BAG3: variants seen among roughly 807,000 people sequenced by gnomAD.
The protein encoded by BAG3 is BAG family molecular chaperone regulator 3.
Under a neutral mutation model 40.5 loss-of-function variants are expected in BAG3, and 14 were observed. That is an observed-to-expected ratio of 0.35 (90% CI 0.23 to 0.54). The LOEUF is 0.54. BAG3 is among the 20% of genes least tolerant of loss of function. The pLI, the probability that BAG3 is intolerant of heterozygous loss-of-function variation, is 0.91. For missense variants in BAG3, 788 were observed against 758.6 expected (o/e 1.04, Z -0.46); for synonymous variants, 302 against 307.8 (o/e 0.98, Z 0.20).
intron 1 of BAG3, among the ~76,000 whole-genome samples, chr10:119,664,534 C>T (rs1187795356): frequency 6.6e-6 from 1 of 152,146 alleles, no homozygotes; most frequent in Non-Finnish European, 1.5e-5. Context: ...CAGGCGGGCC[C>T]TGATGAGGTG....
At chr10:119,673,261 T>G (rs1295354973) in intron 3 of BAG3, among the ~76,000 whole-genome samples, 3 of 152,198 alleles carry the variant, frequency 2.0e-5, no homozygotes, top group African/African-American at 7.2e-5. Context: ...TTGTATGAGT[T>G]CAACATGTCA....
chr10:119,667,510 A>C (rs555549465), intron 1 of BAG3, among the ~76,000 whole-genome samples: 2 of 152,300 alleles, frequency 1.3e-5, no homozygotes, highest in South Asian at 2.1e-4. Flanking sequence ...AACTGTTAGA[A>C]ATAGAGGTAC....
chr10:119,655,003 G>A (rs1846892172), intron 1 of BAG3, among the ~76,000 whole-genome samples: 1 of 152,234 alleles, frequency 6.6e-6, no homozygotes, highest in Non-Finnish European at 1.5e-5. Flanking sequence ...ATTGCTCAGT[G>A]TAGGGCCCAG....
At chr10:119,655,120 C>T (rs1246958547) in intron 1 of BAG3, among the ~76,000 whole-genome samples, 1 of 152,236 alleles carries the variant, frequency 6.6e-6, no homozygotes, top group East Asian at 1.9e-4. Context: ...GGAGCTGCGG[C>T]TTAGTGCCTC....
intron 2 of BAG3, among the ~76,000 whole-genome samples, chr10:119,671,453 G>C (rs185074557): frequency 9.8e-5 from 15 of 152,288 alleles, no homozygotes; most frequent in Admixed American, 2.6e-4. Context: ...TGAATAGAAG[G>C]TGGCCCAGCA....
At chr10:119,657,255 C>T (rs1846926179) in intron 1 of BAG3, among the ~76,000 whole-genome samples, 1 of 152,156 alleles carries the variant, frequency 6.6e-6, no homozygotes. Context: ...ACAAGTCTGC[C>T]CACTTTGAGA....
Position 119,677,407 on chromosome 10 carries a change from G to A in BAG3, c.*125G>A. 1 of 1,193,276 alleles carries A rather than the reference G, an allele frequency of 8.4e-7. No homozygotes were observed. The highest frequency in any genetic ancestry group is 1.2e-6 in the Non-Finnish European group (1 of 820,754). 73.9% of individuals were successfully genotyped at this position (1,193,276 alleles called of 1,614,324 possible). ...CTGCTTGGTATGCAGTAACTTGGGT[G>A]GAGGCAAAACACTAATAAAAGGGCT... On this transcript the variant is annotated 3_prime_UTR_variant, in exon 4 of 4. Coordinates refer to ENST00000369085, the MANE Select transcript of BAG3 (RefSeq NM_004281.4).
Position 119,672,572 on chromosome 10 carries a change from C to T in BAG3, c.825C>T (p.Ser275=). The T allele has an allele frequency of 2.5e-6, 4 of 1,614,056 alleles. No homozygotes were observed. The highest frequency in any genetic ancestry group is 3.4e-6 in the Non-Finnish European group (4 of 1,179,994). ...GGTCATCTGTCCAGGGTGCATCGAG[C>T]CGGGAGGGCTCACCAGCCAGGAGCA... is the stretch of plus-strand genomic sequence containing the variant. ...PFRSSVQGAS[S]REGSPARSST... Residue 275 remains serine (S), a synonymous_variant, in exon 3 of 4, where the codon AGC becomes AGT. Transcript: ENST00000369085. This position sits in a 1 kb window ranked among gnomAD's most constrained non-coding sequence, Gnocchi z 4.8.
chr10:119,669,291 C>T (rs1243385316), intron 1 of BAG3, among the ~76,000 whole-genome samples: 3 of 152,196 alleles, frequency 2.0e-5, no homozygotes, highest in East Asian at 3.8e-4. Context: ...CCCTGTCCTT[C>T]CCCTTCCTGC....
At chr10:119,658,025 T>G (rs1846936508) in intron 1 of BAG3, among the ~76,000 whole-genome samples, 1 of 152,268 alleles carries the variant, frequency 6.6e-6, no homozygotes, top group South Asian at 2.1e-4. Context: ...AGCACAGAGC[T>G]GTGCCCCAGT....
chr10:119,651,407 T>C lies in BAG3; in HGVS notation c.-269T>C. On this transcript the variant is annotated 5_prime_UTR_variant, in exon 1 of 4. Coordinates refer to ENST00000369085, the MANE Select transcript of BAG3 (RefSeq NM_004281.4). ...ATCCAACCCCGGGCCGCGGCCAACTTCTCTGGACTGGACCAGAAGTTTCTA... is the reference window on the plus strand; with the variant it reads ...ATCCAACCCCGGGCCGCGGCCAACTCCTCTGGACTGGACCAGAAGTTTCTA... The C allele has an allele frequency of 5.5e-6, 2 of 361,290 alleles. No homozygotes were observed. Among genetic ancestry groups the C allele is most frequent in the Non-Finnish European group, 9.8e-6 (2 of 203,814 alleles). The allele number at this position is 361,290 out of a possible 1,614,324, so 22.4% of individuals were successfully genotyped here.
intron 1 of BAG3, among the ~76,000 whole-genome samples, chr10:119,663,616 T>A (rs1426244542): frequency 6.6e-6 from 1 of 152,090 alleles, no homozygotes; most frequent in Non-Finnish European, 1.5e-5. Flanking sequence ...ACCCGGGCCC[T>A]CCTCTTCATC....
intron 1 of BAG3, among the ~76,000 whole-genome samples, chr10:119,665,450 AT>A (rs910570320): frequency 7.3e-5 from 11 of 150,670 alleles, no homozygotes; most frequent in African/African-American, 2.4e-4. Context: ...TAATTTTTGT[AT>A]TTTTTTTAGT....
At chr10:119,662,137 T>A (rs1257346005) in intron 1 of BAG3, among the ~76,000 whole-genome samples, 1 of 151,476 alleles carries the variant, frequency 6.6e-6, no homozygotes, top group Non-Finnish European at 1.5e-5. Flanking sequence ...AACCTCTGCC[T>A]CCTGGGTTCA....
At chr10:119,674,650 T>C (rs1028070864) in intron 3 of BAG3, among the ~76,000 whole-genome samples, 4 of 152,196 alleles carry the variant, frequency 2.6e-5, no homozygotes, top group Admixed American at 2.6e-4. Flanking sequence ...GTGTTAGATA[T>C]TCACTTACAT....
intron 1 of BAG3, among the ~76,000 whole-genome samples, chr10:119,661,872 C>T (rs1200166660): frequency 6.6e-6 from 1 of 152,144 alleles, no homozygotes; most frequent in Non-Finnish European, 1.5e-5. Context: ...CCCTGTATTA[C>T]AATCCAGTGG....
rs769416305 is a variant in BAG3, at chr10:119,676,741, C to T, written c.1187C>T (p.Ala396Val). The T allele has an allele frequency of 1.9e-6, 3 of 1,614,122 alleles. No homozygotes were observed. Among genetic ancestry groups the T allele is most frequent in the Non-Finnish European group, 2.5e-6 (3 of 1,180,012 alleles). ...AAGAGTGTGGCTACAGAAGAGAGGG[C>T]AGCCCCCAGCACTGCCCCTGCAGAA... ...SPKSVATEER[A>V]APSTAPAEAT... The change falls in exon 4 of 4, where the codon GCA becomes GTA. Residue 396 changes from alanine (A) to valine (V), a missense_variant. Physicochemically the swap from Ala to Val is moderately conservative, Grantham distance 64 (BLOSUM62 0). Coordinates refer to ENST00000369085, the MANE Select transcript of BAG3 (RefSeq NM_004281.4).
rs1322471565 is a variant in BAG3 at position 119,670,094 on chromosome 10, C to T, written c.424C>T (p.Pro142Ser). 6.2e-7 allele frequency: 1 copy of T among 1,613,660 alleles called. No individual in the cohort carries two copies. The highest frequency in any genetic ancestry group is 8.5e-7 in the Non-Finnish European group (1 of 1,179,622). ...QRSQSPLRGM[P>S]ETTQPDKQCG... The stretch of plus-strand genomic sequence containing the variant: ...GTCCCAGTCACCTCTGCGGGGCATG[C>T]CAGAAACCACTCAGCCAGATAAACA... The change falls in exon 2 of 4, where the codon CCA becomes TCA. Residue 142 changes from proline (P) to serine (S), a missense_variant. Physicochemically the swap from Pro to Ser is moderately conservative, Grantham distance 74. Coordinates refer to ENST00000369085, the MANE Select transcript of BAG3 (RefSeq NM_004281.4).
chr10:119,653,131 A>G (rs1846866211), intron 1 of BAG3, among the ~76,000 whole-genome samples: 1 of 152,232 alleles, frequency 6.6e-6, no homozygotes, highest in Non-Finnish European at 1.5e-5. Context: ...AACAATATTG[A>G]TAAAACTCCG....
Sources: gnomAD v4.1 joint callset for allele counts (sites outside exome capture counted in the v4.1 genomes callset) on GRCh38, gnomAD v4.1.1 for gene constraint, Gnocchi (gnomAD v3.1) non-coding constraint, MANE v1.5 for transcripts, NCBI Gene and HGNC (gene_info 2026-07-23, HGNC 2026-07-21) for gene names.